CDKL3: variants seen among roughly 807,000 people sequenced by gnomAD.
CDKL3 encodes cyclin dependent kinase like 3.
CDKL3 carries 65 observed loss-of-function variants against 69.3 expected under a neutral mutation model. The observed-to-expected ratio is 0.94, with a 90% CI of 0.77 to 1.15. The LOEUF is 1.15. CDKL3 is among the 50% of genes most tolerant of loss of function. The pLI, the probability that CDKL3 is intolerant of heterozygous loss-of-function variation, is 0.00. For synonymous variants in CDKL3, 202 were observed against 221.6 expected (o/e 0.91, Z 0.79); for missense variants, 652 against 689.2 (o/e 0.95, Z 0.61).
At chr5:134,334,927 G>A (rs931506584) in intron 4 of CDKL3, among the ~76,000 whole-genome samples, 4 of 152,060 alleles carry the variant, frequency 2.6e-5, no homozygotes, top group South Asian at 2.1e-4. Context: ...AAATTCTCCC[G>A]TTATTATTGT....
At chr5:134,296,807 A>ACG (rs1561486844), downstream of CDKL3, among the ~76,000 whole-genome samples, 10 of 151,778 alleles carry the variant, frequency 6.6e-5, no homozygotes, top group African/African-American at 2.2e-4. Context: ...ACACACACAC[A>ACG]CACACACACG....
chr5:134,283,381 C>A (rs921152159), downstream of CDKL3, among the ~76,000 whole-genome samples: 1 of 152,136 alleles, frequency 6.6e-6, no homozygotes, highest in Non-Finnish European at 1.5e-5. Flanking sequence ...CTTACAGTTG[C>A]ACATGGCTGG....
chr5:134,335,135 C>T (rs1776742853), intron 4 of CDKL3, among the ~76,000 whole-genome samples: 1 of 150,532 alleles, frequency 6.6e-6, no homozygotes, highest in South Asian at 2.1e-4. Context: ...AGGATTTCAA[C>T]CTCTGCTTTT....
At chr5:134,346,118 CAT>C (rs1402697398) in intron 4 of CDKL3, among the ~76,000 whole-genome samples, 1 of 152,158 alleles carries the variant, frequency 6.6e-6, no homozygotes, top group Non-Finnish European at 1.5e-5. Context: ...AGCCATAAAA[CAT>C]AGAATGGTCA....
intron 4 of CDKL3, among the ~76,000 whole-genome samples, chr5:134,344,231 G>A (rs764712476): frequency 1.3e-5 from 2 of 152,066 alleles, no homozygotes; most frequent in Non-Finnish European, 2.9e-5. Flanking sequence ...CATAACCCTG[G>A]ATTTGGCAAA....
chr5:134,296,921 A>G (rs1765383282), downstream of CDKL3, among the ~76,000 whole-genome samples: 1 of 151,510 alleles, frequency 6.6e-6, no homozygotes, highest in South Asian at 2.1e-4. Context: ...GGAGTTTAGC[A>G]AGAGTGTGGT....
intron 8 of CDKL3, among the ~76,000 whole-genome samples, chr5:134,288,902 A>T (rs534393905): frequency 6.6e-6 from 1 of 152,258 alleles, no homozygotes; most frequent in Non-Finnish European, 1.5e-5. Flanking sequence ...GGACTCTCAT[A>T]ATATGTGACT....
At chr5:134,304,378 T>C in intron 11 of CDKL3, 27 bp downstream of exon 11, 1 of 1,541,594 alleles carries the variant, frequency 6.5e-7, no homozygotes, top group Non-Finnish European at 8.8e-7. Flanking sequence ...ATCATCATAA[T>C]TGTAAAGCTA....
downstream of CDKL3, among the ~76,000 whole-genome samples, chr5:134,284,400 G>A (rs1221727754): frequency 6.6e-6 from 1 of 152,140 alleles, no homozygotes; most frequent in Admixed American, 6.6e-5. Context: ...AAGATCACAT[G>A]CTTGAAAGGG....
At chr5:134,371,542 G>A, upstream of CDKL3, 3 of 1,594,740 alleles carry the variant, frequency 1.9e-6, no homozygotes, top group South Asian at 1.1e-5. Context: ...GGGGGGTGGG[G>A]GGGCTGCGCG....
intron 7 of CDKL3, among the ~76,000 whole-genome samples, chr5:134,311,758 T>C (rs962006759): frequency 6.6e-6 from 1 of 152,172 alleles, no homozygotes; most frequent in Non-Finnish European, 1.5e-5. Flanking sequence ...GGTAACTGTG[T>C]AACGAATGTT....
rs1005456420 is a variant in CDKL3, at chr5:134,350,382, A to T, written c.406T>A (p.Ser136Thr). ...IKPENILVSQ[S>T]GITKLCDFGF... The stretch of plus-strand genomic sequence containing the variant: ...AAATCACAGAGCTTAGTAATTCCTG[A>T]CTGGGATACTAAAATATTCTCAGGT... The change falls in exon 4 of 13, where the codon TCA becomes ACA. Residue 136 changes from serine (S) to threonine (T), a missense_variant. Ser to Thr is a moderately conservative substitution (Grantham distance 58). Transcript: ENST00000265334. 2.0e-5 allele frequency: 32 copies of T among 1,575,872 alleles called. 1 individual carries two copies. In the Admixed American group the frequency reaches 5.4e-4, roughly 27 times the overall value.
At chr5:134,356,356 C>G (rs374356327) in intron 3 of CDKL3, among the ~76,000 whole-genome samples, 5 of 152,210 alleles carry the variant, frequency 3.3e-5, no homozygotes, top group Non-Finnish European at 7.3e-5. Flanking sequence ...GCTCGCCCAC[C>G]ACTCATCTAC....
Position 134,303,619 on chromosome 5 carries a change from G to A in CDKL3, c.1621+786C>T, listed in dbSNP as rs553089541. ...AGCACTTTGGGAGGTTGAGACAGGT[G>A]GATCACCTGAGGTCAGGAGTTCGAA... is the stretch of plus-strand genomic sequence containing the variant. On this transcript the variant is annotated intron_variant, in intron 11 of 12. Transcript: ENST00000265334. Among the ~76,000 whole-genome samples the A allele has an allele frequency of 1.7e-3, 259 of 152,028 alleles. 1 individual carries two copies. The highest frequency in any genetic ancestry group is 5.2e-3 in the African/African-American group (216 of 41,496).
At chr5:134,343,704 G>A (rs945002438) in intron 4 of CDKL3, among the ~76,000 whole-genome samples, 5 of 152,016 alleles carry the variant, frequency 3.3e-5, no homozygotes, top group African/African-American at 4.8e-5. Flanking sequence ...TCTCATGGCC[G>A]CCCCAGACCC....
intron 4 of CDKL3, among the ~76,000 whole-genome samples, chr5:134,335,871 T>G (rs1776981324): frequency 6.6e-6 from 1 of 152,190 alleles, no homozygotes; most frequent in Non-Finnish European, 1.5e-5. Context: ...TTGGCCTGCC[T>G]TGCTAGGTTA....
intron 8 of CDKL3, among the ~76,000 whole-genome samples, chr5:134,289,163 T>TAAAA (rs34873718): frequency 2.0e-4 from 16 of 80,204 alleles, no homozygotes; most frequent in African/African-American, 4.4e-4. Flanking sequence ...CCCTGTCTCA[T>TAAAA]AAAAAAAAAA....
intron 4 of CDKL3, among the ~76,000 whole-genome samples, chr5:134,334,936 G>A (rs1434426968): frequency 6.6e-6 from 1 of 152,068 alleles, no homozygotes; most frequent in Non-Finnish European, 1.5e-5. Context: ...CGTTATTATT[G>A]TGTGGGAGTC....
At chr5:134,350,806 C>T (rs1408884407) in intron 3 of CDKL3, among the ~76,000 whole-genome samples, 1 of 141,534 alleles carries the variant, frequency 7.1e-6, no homozygotes, top group Admixed American at 7.3e-5. Context: ...AGAGTGAGAC[C>T]CTGTCTCTAA....
Sources: gnomAD v4.1 joint callset for allele counts (sites outside exome capture counted in the v4.1 genomes callset) on GRCh38, gnomAD v4.1.1 for gene constraint, MANE v1.5 for transcripts, NCBI Gene and HGNC (gene_info 2026-07-23, HGNC 2026-07-21) for gene names.